CHD9: variants seen among roughly 807,000 people sequenced by gnomAD.
CHD9 encodes chromodomain helicase DNA binding protein 9.
In CHD9, 77 loss-of-function variants were observed where a neutral mutation model predicts 316.1. The ratio of observed to expected loss-of-function variants is 0.24; its 90% CI spans 0.20 to 0.29. The LOEUF is 0.29. CHD9 is among the 10% of genes least tolerant of loss of function. The probability of loss-of-function intolerance (pLI) is 1.00; values close to 1 mark genes in which losing one functional copy is unlikely to be tolerated. For synonymous variants in CHD9, 1,129 were observed against 1,158.3 expected (o/e 0.97, Z 0.51); for missense variants, 2,763 against 3,438.1 (o/e 0.80, Z 4.91).
chr16:53,084,872 CT>C (rs1287694060), intron 1 of CHD9, among the ~76,000 whole-genome samples: 1 of 152,174 alleles, frequency 6.6e-6, no homozygotes, highest in African/African-American at 2.4e-5. Flanking sequence ...TTCATCTGAC[CT>C]CCTGGCTTCG....
At chr16:53,081,325 A>G (rs1009739231) in intron 1 of CHD9, among the ~76,000 whole-genome samples, 1 of 152,234 alleles carries the variant, frequency 6.6e-6, no homozygotes, top group African/African-American at 2.4e-5. Flanking sequence ...ATACATTTGC[A>G]TAACAACTAT....
intron 1 of CHD9, among the ~76,000 whole-genome samples, chr16:53,088,288 T>G (rs1053271500): frequency 6.7e-6 from 1 of 148,306 alleles, no homozygotes; most frequent in Admixed American, 6.7e-5. Context: ...TGTTTTTTTT[T>G]TTTTTTTGAG....
In CHD9 at chr16:53,122,541, T is replaced by TC. The variant is rs1295746241; in HGVS notation, c.-164-33382dup. On this transcript the variant is annotated intron_variant, in intron 1 of 38. Coordinates refer to ENST00000447540, the MANE Select transcript of CHD9 (RefSeq NM_001308319.2). ...AAAGTTGGAAATTGCTGGCTGGGAA[T>TC]CCCTTTTTTTTTTTTTTTTTTGAGA... 2.1e-3 allele frequency among the ~76,000 whole-genome samples: 295 copies of TC among 142,056 alleles called. 2 individuals carry two copies. Among genetic ancestry groups the TC allele is most frequent in the African/African-American group, 7.5e-3 (292 of 39,148 alleles). The allele number at this position is 142,056 out of a possible 152,430, so 93.2% of individuals were successfully genotyped here. A position where few individuals can be genotyped will look rare whatever the true frequency, so the allele number is the denominator to read the frequency against.
chr16:53,291,789 A>G, intron 28 of CHD9, 22 bp downstream of exon 28: 1 of 1,403,032 alleles, frequency 7.1e-7, no homozygotes, highest in Middle Eastern at 1.8e-4. Flanking sequence ...GTACTTCTGT[A>G]CTTAGTATTA....
At chr16:53,061,443 C>T (rs560260631) in intron 1 of CHD9, among the ~76,000 whole-genome samples, 103 of 152,204 alleles carry the variant, frequency 6.8e-4, no homozygotes, top group Non-Finnish European at 1.2e-3. Context: ...GTTGTAGTTT[C>T]CCCCAAAGCA....
chr16:53,106,520 A>G (rs1198364594), intron 1 of CHD9, among the ~76,000 whole-genome samples: 1 of 152,212 alleles, frequency 6.6e-6, no homozygotes, highest in Non-Finnish European at 1.5e-5. Flanking sequence ...TTCTTTTTCA[A>G]ATTAGGTCTT....
intron 1 of CHD9, among the ~76,000 whole-genome samples, chr16:53,155,127 T>C (rs1219731573): frequency 6.6e-6 from 1 of 152,242 alleles, no homozygotes; most frequent in Non-Finnish European, 1.5e-5. Context: ...ACTTAAATCA[T>C]CCAAAGTAAC....
intron 1 of CHD9, among the ~76,000 whole-genome samples, chr16:53,104,201 TA>T (rs1431460256): frequency 9.2e-5 from 14 of 152,260 alleles, no homozygotes; most frequent in Admixed American, 2.0e-4. Flanking sequence ...CCCTTGTATT[TA>T]ACCAGCACAA....
chr16:53,253,950 G>A (rs2050343469), intron 17 of CHD9, among the ~76,000 whole-genome samples: 1 of 152,206 alleles, frequency 6.6e-6, no homozygotes. Context: ...GTTGGGGCGG[G>A]TGGATCACTT....
At chr16:53,274,631 T>C (rs889565192) in intron 24 of CHD9, among the ~76,000 whole-genome samples, 2 of 152,148 alleles carry the variant, frequency 1.3e-5, no homozygotes, top group Non-Finnish European at 2.9e-5. Flanking sequence ...AATTTTTTTG[T>C]ATTTTTAGTA....
intron 1 of CHD9, among the ~76,000 whole-genome samples, chr16:53,109,326 A>G (rs972767218): frequency 6.6e-6 from 1 of 152,136 alleles, no homozygotes; most frequent in Non-Finnish European, 1.5e-5. Flanking sequence ...CAATTTTGGG[A>G]CTCGTAGTCC....
intron 2 of CHD9, among the ~76,000 whole-genome samples, chr16:53,172,000 ATTTG>A (rs1195891376): frequency 6.6e-6 from 1 of 151,956 alleles, no homozygotes; most frequent in Non-Finnish European, 1.5e-5. Flanking sequence ...CCATTTACCT[ATTTG>A]TTTTCTATAT....
intron 1 of CHD9, among the ~76,000 whole-genome samples, chr16:53,076,308 C>T (rs183994990): frequency 1.3e-5 from 2 of 152,274 alleles, no homozygotes; most frequent in Admixed American, 1.3e-4. Flanking sequence ...GGTGTGATGG[C>T]TCTCGCCTGT....
chr16:53,183,966 A>G (rs138579469), intron 2 of CHD9, among the ~76,000 whole-genome samples: 8 of 150,124 alleles, frequency 5.3e-5, no homozygotes, highest in Admixed American at 5.3e-4. Context: ...TTTTTTTGAG[A>G]CGGAGTCTCG....
intron 10 of CHD9, 46 bp from the exon 11 acceptor site, chr16:53,235,138 AT>A (rs2152933015): frequency 6.6e-7 from 1 of 1,509,400 alleles, no homozygotes; most frequent in South Asian, 1.2e-5. Context: ...CTTCAGTATG[AT>A]ATATGGAAGA....
At chr16:53,072,618 C>T (rs1230310473) in intron 1 of CHD9, among the ~76,000 whole-genome samples, 1 of 151,934 alleles carries the variant, frequency 6.6e-6, no homozygotes, top group Non-Finnish European at 1.5e-5. Context: ...TCAAGCAATC[C>T]TCTTGCCTCA....
At chr16:53,158,662 G>A (rs1010342684) in intron 2 of CHD9, among the ~76,000 whole-genome samples, 1 of 151,048 alleles carries the variant, frequency 6.6e-6, no homozygotes, top group African/African-American at 2.4e-5. Context: ...TTTGAGACAG[G>A]GTCTCACTCT....
chr16:53,138,215 C>T (rs1219090082), intron 1 of CHD9, among the ~76,000 whole-genome samples: 2 of 152,040 alleles, frequency 1.3e-5, no homozygotes, highest in Non-Finnish European at 2.9e-5. Flanking sequence ...GCTAAATGAT[C>T]TTAAGGTAGT....
At chr16:53,087,426 G>A (rs1252760738) in intron 1 of CHD9, among the ~76,000 whole-genome samples, 1 of 152,012 alleles carries the variant, frequency 6.6e-6, no homozygotes, top group Non-Finnish European at 1.5e-5. Flanking sequence ...TATGAGACTC[G>A]GGTCTATTCC....
Sources: allele counts gnomAD v4.1 joint callset (sites outside exome capture counted in the v4.1 genomes callset), GRCh38; gene constraint gnomAD v4.1.1; transcripts MANE v1.5; gene names NCBI Gene and HGNC (gene_info 2026-07-23, HGNC 2026-07-21).